Variants in MTUS2 observed in about 807,000 individuals in gnomAD.
MTUS2 encodes microtubule-associated tumor suppressor candidate 2.
A neutral mutation model predicts 114.1 loss-of-function variants in MTUS2; 40 were observed. That is an observed-to-expected ratio of 0.35 (90% confidence interval 0.27 to 0.46). The LOEUF (loss-of-function observed/expected upper bound fraction) is 0.46, where lower values mean the gene tolerates loss of function less well. Ranked by LOEUF, MTUS2 falls within the 20% of genes least tolerant of loss-of-function variation. MTUS2 has a pLI of 1.00. For missense variants in MTUS2, 1,679 were observed against 1,705.4 expected, an observed-to-expected ratio of 0.98 and a Z score of 0.27; for synonymous variants, 688 against 672.0, an observed-to-expected ratio of 1.02 and a Z score of -0.37.
At chr13:29,458,254 G>A (rs1187047652) in intron 9 of MTUS2, among the ~76,000 whole-genome samples, 1 of 152,120 alleles carries the variant, frequency 6.6e-6, no homozygotes, top group Non-Finnish European at 1.5e-5. Flanking sequence ...CTAAATCTCA[G>A]CACTTAAAGA....
intron 2 of MTUS2, among the ~76,000 whole-genome samples, chr13:28,909,021 A>C (rs1417575624): frequency 1.3e-5 from 2 of 151,360 alleles, no homozygotes; most frequent in African/African-American, 2.4e-5. Flanking sequence ...ATTGTTTCTG[A>C]GGGCTGTGTT....
intron 4 of MTUS2, among the ~76,000 whole-genome samples, chr13:29,038,645 GC>G (rs1285032192): frequency 6.6e-6 from 1 of 152,240 alleles, no homozygotes; most frequent in African/African-American, 2.4e-5. Flanking sequence ...ACCCACAGCT[GC>G]CCCATCCCCC....
chr13:29,089,070 T>C (rs1413757247), intron 4 of MTUS2, among the ~76,000 whole-genome samples: 2 of 152,252 alleles, frequency 1.3e-5, no homozygotes, highest in Middle Eastern at 6.3e-3. Flanking sequence ...TACTTAAGTA[T>C]GTTTTTGCAA....
At chr13:28,983,148 A>G (rs775927405) in intron 2 of MTUS2, among the ~76,000 whole-genome samples, 3 of 152,218 alleles carry the variant, frequency 2.0e-5, no homozygotes, top group Non-Finnish European at 2.9e-5. Context: ...CATCTCCTTC[A>G]GGTGAGTGTG....
intron 7 of MTUS2, among the ~76,000 whole-genome samples, chr13:29,348,286 T>C (rs1868912442): frequency 6.6e-6 from 1 of 151,924 alleles, no homozygotes; most frequent in Non-Finnish European, 1.5e-5. Flanking sequence ...TTAGGAGCTT[T>C]GTGACAGGAA....
At chr13:29,497,654 C>T (rs1882639808) in intron 13 of MTUS2, 1 of 332,650 alleles carries the variant, frequency 3.0e-6, no homozygotes. Flanking sequence ...CCCCTTCCAG[C>T]CCATTCTCCC....
At chr13:28,867,766 C>T (rs1039771212) in intron 2 of MTUS2, among the ~76,000 whole-genome samples, 2 of 152,186 alleles carry the variant, frequency 1.3e-5, no homozygotes, top group African/African-American at 4.8e-5. Context: ...AGCTTTCACA[C>T]CTGCATCCCG....
chr13:29,308,886 T>G (rs911245511), intron 6 of MTUS2, among the ~76,000 whole-genome samples: 3 of 118,244 alleles, frequency 2.5e-5, no homozygotes, highest in Non-Finnish European at 5.0e-5. Flanking sequence ...ATTACAAAGT[T>G]AAAAACAAAA....
chr13:29,393,138 A>G (rs985353068), intron 8 of MTUS2, among the ~76,000 whole-genome samples: 1 of 152,186 alleles, frequency 6.6e-6, no homozygotes, highest in Non-Finnish European at 1.5e-5. Context: ...CAAAGACAGA[A>G]TAAGTGGCTT....
intron 7 of MTUS2, among the ~76,000 whole-genome samples, chr13:29,347,877 A>G (rs574821821): frequency 1.3e-5 from 2 of 150,648 alleles, no homozygotes. Context: ...ACTTACATTT[A>G]CCAGTTTATT....
At chr13:28,865,874 A>C (rs569270734) in intron 2 of MTUS2, among the ~76,000 whole-genome samples, 199 of 152,234 alleles carry the variant, frequency 1.3e-3, no homozygotes, top group Non-Finnish European at 2.1e-3. Context: ...TTCTCTTATG[A>C]TTTCCTTGAT....
chr13:29,318,872 C>G (rs1900134082), intron 6 of MTUS2, among the ~76,000 whole-genome samples: 1 of 152,158 alleles, frequency 6.6e-6, no homozygotes, highest in Admixed American at 6.5e-5. Context: ...GCGAAACAGT[C>G]TAGGACCATC....
intron 5 of MTUS2, among the ~76,000 whole-genome samples, chr13:29,251,540 C>T (rs1897125073): frequency 6.6e-6 from 1 of 152,178 alleles, no homozygotes; most frequent in Non-Finnish European, 1.5e-5. Context: ...TCATCCAAAA[C>T]AGAAACTCTG....
chr13:28,832,706 T>A (rs1399447619), intron 1 of MTUS2, among the ~76,000 whole-genome samples: 4 of 147,754 alleles, frequency 2.7e-5, no homozygotes, highest in African/African-American at 9.8e-5. Flanking sequence ...TAAATAAAAA[T>A]AAGTACACAA....
chr13:28,954,483 C>T (rs1329442467), intron 2 of MTUS2, among the ~76,000 whole-genome samples: 3 of 152,126 alleles, frequency 2.0e-5, no homozygotes, highest in African/African-American at 7.2e-5. Context: ...ATTTCCTAAC[C>T]GAATGCAGCT....
rs143194332 is a variant in MTUS2, at chr13:29,133,206, T to G, written c.2644+32236T>G. On this transcript the variant is annotated intron_variant, in intron 5 of 15. Transcript: ENST00000612955. ...CAGTCCTTTGCCTGTTTTTGAATGG[T>G]ATTGTTTGTTTTTTGTTATTGAGTT... Among the ~76,000 whole-genome samples, 424 of 152,230 alleles carry G rather than the reference T, an allele frequency of 2.8e-3. 2 individuals are homozygous for G. The highest frequency in any genetic ancestry group is 9.7e-3 in the African/African-American group (404 of 41,546).
chr13:29,034,007 C>T lies in MTUS2; in HGVS notation c.2328C>T (p.Ser776=), dbSNP rs1037971317. ...CCCAGCTAGGATTGGGTGCAATGTCCCGTTTACCATCTGCAAAGAGCAGGA... is the reference window on the plus strand; with the variant it reads ...CCCAGCTAGGATTGGGTGCAATGTCTCGTTTACCATCTGCAAAGAGCAGGA... ...LKPQLGLGAM[S]RLPSAKSRIL... The change falls in exon 4 of 16, where the codon TCC becomes TCT. Residue 776 remains serine, a synonymous_variant. Coordinates refer to ENST00000612955, the MANE Select transcript of MTUS2 (RefSeq NM_001033602.4). 6.2e-7 allele frequency: 1 copy of T among 1,613,938 alleles called. No individual in the cohort carries two copies. Among genetic ancestry groups the T allele is most frequent in the East Asian group, 2.2e-5 (1 of 44,882 alleles).
intron 8 of MTUS2, among the ~76,000 whole-genome samples, chr13:29,391,022 C>T (rs1873415503): frequency 1.3e-5 from 2 of 151,996 alleles, no homozygotes; most frequent in South Asian, 4.2e-4. Context: ...ACCTGCACAC[C>T]TGCCTTGGCC....
rs528979799 is a variant in MTUS2 at position 29,428,334 on chromosome 13, C to T, written c.3118-11649C>T. Among the ~76,000 whole-genome samples the T allele has an allele frequency of 9.2e-5, 14 of 152,384 alleles. No homozygotes were observed. In the South Asian group the frequency reaches 2.9e-3, roughly 32 times the overall value. ...CAGAGCCAAGCCCTGGCAGCCCTTTCGGGCGTCCCCAGGCAGTGCCCTGAA... is the reference window on the plus strand; with the variant it reads ...CAGAGCCAAGCCCTGGCAGCCCTTTTGGGCGTCCCCAGGCAGTGCCCTGAA... On this transcript the variant is annotated intron_variant, in intron 8 of 15. Transcript: ENST00000612955.
Sources: gnomAD v4.1 joint callset for allele counts (sites outside exome capture counted in the v4.1 genomes callset) on GRCh38, gnomAD v4.1.1 for gene constraint, MANE v1.5 for transcripts, NCBI Gene and HGNC (gene_info 2026-07-23, HGNC 2026-07-21) for gene names.